Variants in DBN1 observed in about 807,000 individuals in gnomAD.
DBN1 encodes the protein drebrin.
In DBN1, 21 loss-of-function variants were observed where a neutral mutation model predicts 83.5. The ratio of observed to expected loss-of-function variants is 0.25; its 90% CI spans 0.18 to 0.36. DBN1 has a LOEUF of 0.36. DBN1 is among the 10% of genes least tolerant of loss of function. The pLI is 1.00. For synonymous variants in DBN1, 381 were observed against 384.9 expected, an observed-to-expected ratio of 0.99 and a Z score of 0.12; for missense variants, 874 against 935.7, an observed-to-expected ratio of 0.93 and a Z score of 0.86.
rs1246836539 is a variant in DBN1, at chr5:177,456,761, C to G, written c.*672G>C. 6.6e-6 allele frequency: 1 copy of G among 151,628 alleles called. No individual in the cohort carries two copies. The highest frequency in any genetic ancestry group is 1.5e-5 in the Non-Finnish European group (1 of 67,992). 9.4% of individuals were successfully genotyped at this position (151,628 alleles called of 1,614,324 possible). ...GAGGAAGGAGTTGGGGAGGGGCCAC[C>G]AAAGCCCCTGGGCCCCATCCATAGC... On this transcript the variant is annotated 3_prime_UTR_variant, in exon 15 of 15. Coordinates refer to ENST00000393565, the MANE Select transcript of DBN1 (RefSeq NM_001363541.2).
rs1756544636 is a variant in DBN1 at position 177,456,991 on chromosome 5, GC to G, written c.*441del. ...TTAAAATTCGTGCAAAATATCTGAA[GC>G]CCTGGACAGAGAATACAAAGTGATA... On this transcript the variant is annotated 3_prime_UTR_variant, in exon 15 of 15. Coordinates refer to ENST00000393565, the MANE Select transcript of DBN1 (RefSeq NM_001363541.2). 1 of 171,818 alleles carries G rather than the reference GC, an allele frequency of 5.8e-6. No individual in the cohort carries two copies. Among genetic ancestry groups the G allele is most frequent in the African/African-American group, 2.4e-5 (1 of 41,744 alleles). 10.6% of individuals were successfully genotyped at this position (171,818 alleles called of 1,614,324 possible).
intron 8 of DBN1, among the ~76,000 whole-genome samples, chr5:177,464,612 A>C (rs925832302): frequency 7.7e-6 from 1 of 129,562 alleles, no homozygotes; most frequent in Non-Finnish European, 1.6e-5. Flanking sequence ...ACAATAAATA[A>C]ATAAATAAAT....
In DBN1 at chr5:177,467,429, T is replaced by G; in HGVS notation, c.477+52A>C. 6.2e-7 allele frequency: 1 copy of G among 1,611,316 alleles called. No individual in the cohort carries two copies. The highest frequency in any genetic ancestry group is 1.1e-5 in the South Asian group (1 of 90,936). On this transcript the variant is annotated intron_variant, in intron 5 of 14. Transcript: ENST00000393565. This position sits in a 1 kb window ranked among gnomAD's most constrained non-coding sequence, Gnocchi z 9.1. ...CTAAGAGGGACCGGGCAGGCCAGAC[T>G]CGGGCACCAGGCCACGCAGGCAGAG...
chr5:177,464,691 C>T (rs1298176947), intron 8 of DBN1, among the ~76,000 whole-genome samples: 1 of 152,002 alleles, frequency 6.6e-6, no homozygotes, highest in African/African-American at 2.4e-5. Context: ...CCTGTAATCC[C>T]GGCACTTTGT....
At chr5:177,462,192 A>G in intron 8 of DBN1, 4 of 952,592 alleles carry the variant, frequency 4.2e-6, no homozygotes, top group Non-Finnish European at 5.0e-6. Context: ...CCTCTCCAAC[A>G]CCACCCCCTG....
intron 8 of DBN1, among the ~76,000 whole-genome samples, chr5:177,465,900 T>C (rs551071304): frequency 4.8e-4 from 72 of 150,544 alleles, no homozygotes; most frequent in Admixed American, 4.4e-3. Flanking sequence ...GAAAAAAAGA[T>C]CTTACCCAGC....
intron 1 of DBN1, 78 bp downstream of exon 1, chr5:177,473,358 G>A (rs1326432875): frequency 2.4e-6 from 2 of 849,788 alleles, no homozygotes; most frequent in African/African-American, 3.5e-5. Context: ...CGGCGGCGGG[G>A]CGGCGGGGCG....
chr5:177,472,717 C>T (rs1046151841), intron 1 of DBN1: 11 of 879,018 alleles, frequency 1.3e-5, no homozygotes, highest in African/African-American at 9.2e-5. Context: ...CAGCTCGGTG[C>T]CCCCCAGCCC....
chr5:177,470,268 G>A (rs1241224856), intron 1 of DBN1, among the ~76,000 whole-genome samples: 3 of 152,288 alleles, frequency 2.0e-5, no homozygotes, highest in African/African-American at 2.4e-5. Flanking sequence ...AACCCACCAC[G>A]GGAACAAAGG....
chr5:177,459,778 A>G, intron 10 of DBN1, 38 bp from the exon 11 acceptor site: 1 of 1,433,988 alleles, frequency 7.0e-7, no homozygotes. Flanking sequence ...GACAGAGGAC[A>G]AGAGAGGGTC....
chr5:177,468,337 G>GAA, intron 2 of DBN1, 117 bp from the exon 3 acceptor site: 3 of 814,810 alleles, frequency 3.7e-6, no homozygotes, highest in Non-Finnish European at 6.1e-6. Flanking sequence ...GGGGTCTTCT[G>GAA]GCCTCTGGGG....
Position 177,457,698 on chromosome 5 carries a change from G to A in DBN1, c.1974C>T (p.Leu658=). 4 of 1,612,334 alleles carry A rather than the reference G, an allele frequency of 2.5e-6. No individual in the cohort carries two copies. Among genetic ancestry groups the A allele is most frequent in the Non-Finnish European group, 3.4e-6 (4 of 1,178,492 alleles). ...QEEEFAQSEE[L]CAKAPPPVFY... ...ACACAGGAGGCGGAGCCTTGGCACA[G>A]AGCTCTTCCGATTGGGCAAACTCCT... The change falls in exon 14 of 15, where the codon CTC becomes CTT. Residue 658 remains leucine (L), a synonymous_variant. Transcript: ENST00000393565.
rs1757599376 is a variant in DBN1 at position 177,468,141 on chromosome 5, T to C, written c.222A>G (p.Gln74=). The C allele has an allele frequency of 1.8e-5, 29 of 1,613,478 alleles. No homozygotes were observed. Among genetic ancestry groups the C allele is most frequent in the Non-Finnish European group, 2.4e-5 (28 of 1,179,994 alleles). ...TGAGCACGTATTTTGGCAGAGCAGCTTGGGAGTCCTTGACACTGCAGAAGC... is the reference window on the plus strand; with the variant it reads ...TGAGCACGTATTTTGGCAGAGCAGCCTGGGAGTCCTTGACACTGCAGAAGC... ...MYGFCSVKDS[Q]AALPKYVLIN... The change falls in exon 3 of 15, where the codon CAA becomes CAG. Residue 74 remains glutamine, a synonymous_variant. Transcript: ENST00000393565.
Position 177,457,761 on chromosome 5 carries a change from C to A in DBN1, c.1915-4G>T, listed in dbSNP as rs1244968833. On this transcript the variant is annotated splice_region_variant and splice_polypyrimidine_tract_variant and intron_variant, in intron 13 of 14. Transcript: ENST00000393565. ...GACTGAAGTACCCCTCACTGGCCTG[C>A]AGGGGAAAGCATCAGGTCACTTGGC... 2 of 1,588,074 alleles carry A rather than the reference C, an allele frequency of 1.3e-6. No homozygotes were observed. Among genetic ancestry groups the A allele is most frequent in the Non-Finnish European group, 8.6e-7 (1 of 1,157,636 alleles).
chr5:177,464,835 G>A (rs1581726899), intron 8 of DBN1, among the ~76,000 whole-genome samples: 1 of 151,380 alleles, frequency 6.6e-6, no homozygotes, highest in East Asian at 2.0e-4. Context: ...AGCTACTTGG[G>A]AGGCTGAGGC....
rs976419369 is a variant in DBN1, at chr5:177,473,433, C to T, written c.86+3G>A. The T allele has an allele frequency of 1.2e-5, 17 of 1,416,982 alleles. No individual in the cohort carries two copies. The highest frequency in any genetic ancestry group is 1.5e-5 in the Non-Finnish European group (16 of 1,075,612). 87.8% of individuals were successfully genotyped at this position (1,416,982 alleles called of 1,614,324 possible). A position where few individuals can be genotyped will look rare whatever the true frequency, so the allele number is the denominator to read the frequency against. On this transcript the variant is annotated splice_donor_region_variant and intron_variant, in intron 1 of 14. Transcript: ENST00000393565. The stretch of plus-strand genomic sequence containing the variant: ...GGGCCGGGGGCGGGGGCGGGGGGCT[C>T]ACCAGTCGGCCGCGCTCTCCTCTCG...
At position 177,459,759 on chromosome 5, in the gene DBN1, A is replaced by G. The variant is rs1382020568; in HGVS notation, c.956-19T>C. ...GGACGACCTGCCGAGAGAGACAGAC[A>G]GAGAAAGAGACAGAGGACAAGAGAG... On this transcript the variant is annotated intron_variant, in intron 10 of 14. Coordinates refer to ENST00000393565, the MANE Select transcript of DBN1 (RefSeq NM_001363541.2). 13 of 1,471,342 alleles carry G rather than the reference A, an allele frequency of 8.8e-6. No homozygotes were observed. The highest frequency in any genetic ancestry group is 2.5e-5 in the Admixed American group (1 of 40,102). The allele number at this position is 1,471,342 out of a possible 1,614,324, so 91.1% of individuals were successfully genotyped here.
In DBN1 at chr5:177,458,047, C is replaced by T; in HGVS notation, c.1914+11G>A. On this transcript the variant is annotated intron_variant, in intron 13 of 14. Coordinates refer to ENST00000393565, the MANE Select transcript of DBN1 (RefSeq NM_001363541.2). Reference sequence around the variant, plus strand: ...CCTCCCATCCCTCCCACCAGGCAGTCCCTGCCGCACCTGGGTCCCCTCCTT... The same window carrying T: ...CCTCCCATCCCTCCCACCAGGCAGTTCCTGCCGCACCTGGGTCCCCTCCTT... 1.2e-6 allele frequency: 2 copies of T among 1,613,704 alleles called. No individual in the cohort carries two copies. The highest frequency in any genetic ancestry group is 3.3e-5 in the Admixed American group (2 of 60,028).
At chr5:177,457,803 G>A in intron 13 of DBN1, 46 bp from the exon 14 acceptor site, 1 of 1,310,928 alleles carries the variant, frequency 7.6e-7, no homozygotes, top group Non-Finnish European at 1.1e-6. Context: ...CAGCAGGACT[G>A]GGGCTGACCT....
Sources: allele counts gnomAD v4.1 joint callset (sites outside exome capture counted in the v4.1 genomes callset), GRCh38; gene constraint gnomAD v4.1.1; non-coding constraint Gnocchi (gnomAD v3.1); transcripts MANE v1.5; gene names NCBI Gene and HGNC (gene_info 2026-07-23, HGNC 2026-07-21).